CUX2: variants seen among roughly 807,000 people sequenced by gnomAD.
CUX2 encodes cut like homeobox 2, also known as homeobox protein cut-like 2.
A neutral mutation model predicts 144.8 loss-of-function variants in CUX2; 40 were observed. The ratio of observed to expected loss-of-function variants is 0.28; its 90% CI spans 0.21 to 0.36. CUX2 has a LOEUF of 0.36. CUX2 is among the 10% of genes least tolerant of loss of function. CUX2 has a pLI of 1.00. For synonymous variants in CUX2, 827 were observed against 875.6 expected (o/e 0.94, Z 0.98); for missense variants, 1,615 against 1,994.0 (o/e 0.81, Z 3.62).
intron 1 of CUX2, among the ~76,000 whole-genome samples, chr12:111,047,401 C>G (rs1266717372): frequency 6.6e-6 from 1 of 152,112 alleles, no homozygotes. Flanking sequence ...GCTGTACCAG[C>G]CACACTCTAC....
chr12:111,048,389 A>G (rs1458079089), intron 1 of CUX2, among the ~76,000 whole-genome samples: 2 of 152,130 alleles, frequency 1.3e-5, no homozygotes, highest in Non-Finnish European at 2.9e-5. Flanking sequence ...AGCACTCTAC[A>G]GCATTGTGGG....
chr12:111,111,554 A>G (rs1873959932), intron 1 of CUX2, among the ~76,000 whole-genome samples: 1 of 152,240 alleles, frequency 6.6e-6, no homozygotes. Context: ...TTCTACGTTA[A>G]TAGAATCCTT....
At chr12:111,045,441 GC>G (rs1869951998) in intron 1 of CUX2, among the ~76,000 whole-genome samples, 1 of 152,156 alleles carries the variant, frequency 6.6e-6, no homozygotes, top group African/African-American at 2.4e-5. Context: ...CCCTCATAAA[GC>G]TTCTACTTCA....
Position 111,168,993 on chromosome 12 carries a change from T to C in CUX2, c.64-45207T>C, listed in dbSNP as rs531587008. ...CATCACTACCCCTCCATCTCACCTC[T>C]GTCCTGCATTGAATGGCATCCGCCA... is the stretch of plus-strand genomic sequence containing the variant. On this transcript the variant is annotated intron_variant, in intron 1 of 21. Transcript: ENST00000261726. Among the ~76,000 whole-genome samples, 137 of 152,044 alleles carry C rather than the reference T, an allele frequency of 9.0e-4. 1 individual carries two copies. Among genetic ancestry groups the C allele is most frequent in the African/African-American group, 3.2e-3 (133 of 41,474 alleles).
At chr12:111,311,603 A>ATTTTTTTT (rs369788655) in intron 15 of CUX2, among the ~76,000 whole-genome samples, 1 of 131,026 alleles carries the variant, frequency 7.6e-6, no homozygotes. Flanking sequence ...TATTATTATT[A>ATTTTTTTT]TTTTTTTTTT....
intron 3 of CUX2, among the ~76,000 whole-genome samples, chr12:111,260,457 C>G (rs1370726651): frequency 2.6e-5 from 4 of 151,066 alleles, no homozygotes; most frequent in Non-Finnish European, 5.9e-5. Flanking sequence ...GAGCGAGACT[C>G]TGTCTCAGGA....
chr12:111,268,931 C>G (rs1282225703), intron 4 of CUX2, among the ~76,000 whole-genome samples: 1 of 152,172 alleles, frequency 6.6e-6, no homozygotes, highest in Non-Finnish European at 1.5e-5. Flanking sequence ...CCCCGTAGTA[C>G]CTCAGTTGTA....
intron 1 of CUX2, among the ~76,000 whole-genome samples, chr12:111,042,606 A>C (rs1328637246): frequency 6.6e-6 from 1 of 151,974 alleles, no homozygotes; most frequent in African/African-American, 2.4e-5. Flanking sequence ...AGTAGTAGCC[A>C]CCTCCTTAAG....
chr12:111,293,598 G>A lies in CUX2; in HGVS notation c.560+29G>A. 1 of 1,554,516 alleles carries A rather than the reference G, an allele frequency of 6.4e-7. No individual in the cohort carries two copies. The highest frequency in any genetic ancestry group is 2.4e-5 in the East Asian group (1 of 42,336). ...AGGAAGGGAAGGTGGGTGGGAGGGA[G>A]GAAGGAATGGGCAGGGCTCCTGCTG... On this transcript the variant is annotated intron_variant, in intron 6 of 21. Transcript: ENST00000261726. The surrounding 1 kb of genome is among the most constrained non-coding windows in gnomAD (Gnocchi z 4.5).
intron 20 of CUX2, among the ~76,000 whole-genome samples, chr12:111,340,103 G>C (rs1888515820): frequency 1.3e-5 from 2 of 152,206 alleles, no homozygotes; most frequent in African/African-American, 4.8e-5. Flanking sequence ...GGCTGAGGCA[G>C]GAGAACCGCT....
chr12:111,326,254 TGGG>T lies in CUX2; in HGVS notation c.2926+3675_2926+3677del. On this transcript the variant is annotated intron_variant, in intron 18 of 21. Coordinates refer to ENST00000261726, the MANE Select transcript of CUX2 (RefSeq NM_015267.4). ...TTATAGTGTTGTGGTGGGGGAGGGG[TGGG>T]TTTTGTTTATAGTGTTGTGTTGGGG... 1.9e-4 allele frequency among the ~76,000 whole-genome samples: 2 copies of T among 10,806 alleles called. 1 individual carries two copies. The highest frequency in any genetic ancestry group is 9.9e-3 in the South Asian group (2 of 202). 7.1% of individuals were successfully genotyped at this position (10,806 alleles called of 152,430 possible). A position where few individuals can be genotyped will look rare whatever the true frequency, so the allele number is the denominator to read the frequency against.
chr12:111,246,164 G>A lies in CUX2; in HGVS notation c.223-17597G>A, dbSNP rs1883270839. Among the ~76,000 whole-genome samples the A allele has an allele frequency of 6.6e-6, 1 of 152,146 alleles. No homozygotes were observed. On this transcript the variant is annotated intron_variant, in intron 3 of 21. Transcript: ENST00000261726. The surrounding 1 kb of genome is among the most constrained non-coding windows in gnomAD (Gnocchi z 4.0). ...GCGCCTCAGTTTCCTCATCTGGAAAGTAGAAATGATAACCGCACCTGCCAC... is the reference window on the plus strand; with the variant it reads ...GCGCCTCAGTTTCCTCATCTGGAAAATAGAAATGATAACCGCACCTGCCAC...
Position 111,320,310 on chromosome 12 carries a change from C to T in CUX2, c.2301C>T (p.Phe767=). 2 of 1,597,918 alleles carry T rather than the reference C, an allele frequency of 1.3e-6. No homozygotes were observed. Among genetic ancestry groups the T allele is most frequent in the Non-Finnish European group, 1.7e-6 (2 of 1,179,086 alleles). The change falls in exon 17 of 22, where the codon TTC becomes TTT. Residue 767 remains phenylalanine, a synonymous_variant. Coordinates refer to ENST00000261726, the MANE Select transcript of CUX2 (RefSeq NM_015267.4). The surrounding 1 kb of genome is among the most constrained non-coding windows in gnomAD (Gnocchi z 8.1). ...APLPVLSPAA[F]VQSIIRKVKS... is the part of the protein sequence containing the mutation. ...TCCCGGTCCTGTCCCCCGCCGCCTT[C>T]GTGCAGAGCATCATCCGCAAGGTCA...
At position 111,348,387 on chromosome 12, in the gene CUX2, C is replaced by T; in HGVS notation, c.*62C>T. ...CTACCTTCCTTCTCGCACTTACTCT[C>T]CTCAACAGGATGGGGTAAGGGAGGG... On this transcript the variant is annotated 3_prime_UTR_variant, in exon 22 of 22. Transcript: ENST00000261726. 6.9e-7 allele frequency: 1 copy of T among 1,448,912 alleles called. No individual in the cohort carries two copies. Among genetic ancestry groups the T allele is most frequent in the Non-Finnish European group, 9.5e-7 (1 of 1,055,168 alleles). 89.8% of individuals were successfully genotyped at this position (1,448,912 alleles called of 1,614,324 possible). A position where few individuals can be genotyped will look rare whatever the true frequency, so the allele number is the denominator to read the frequency against.
Position 111,034,281 on chromosome 12 carries a change from C to G in CUX2, c.63+41C>G. 2.4e-6 allele frequency: 3 copies of G among 1,262,454 alleles called. No homozygotes were observed. Among genetic ancestry groups the G allele is most frequent in the Non-Finnish European group, 3.1e-6 (3 of 967,492 alleles). The allele number at this position is 1,262,454 out of a possible 1,614,324, so 78.2% of individuals were successfully genotyped here. A position where few individuals can be genotyped will look rare whatever the true frequency, so the allele number is the denominator to read the frequency against. On this transcript the variant is annotated intron_variant, in intron 1 of 21. Transcript: ENST00000261726. The surrounding 1 kb of genome is among the most constrained non-coding windows in gnomAD (Gnocchi z 4.2). ...GCCGGCCGCGCGGCCGTGAGGAGCC[C>G]CCGGGCGCGCCCTGGGCGCATTGGG...
intron 20 of CUX2, among the ~76,000 whole-genome samples, 158 bp downstream of exon 20, chr12:111,338,632 T>C (rs1888454892): frequency 6.6e-6 from 1 of 152,090 alleles, no homozygotes; most frequent in African/African-American, 2.4e-5. Context: ...AATGTAACAA[T>C]GTGATTGAAA....
At chr12:111,196,026 C>T (rs2136201271) in intron 1 of CUX2, among the ~76,000 whole-genome samples, 2 of 152,322 alleles carry the variant, frequency 1.3e-5, no homozygotes, top group East Asian at 3.9e-4. Context: ...TCTGATCCCA[C>T]TCCCAGCCCC....
chr12:111,207,294 G>T (rs1221967290), intron 1 of CUX2, among the ~76,000 whole-genome samples: 2 of 152,254 alleles, frequency 1.3e-5, no homozygotes, highest in Non-Finnish European at 2.9e-5. Flanking sequence ...TAATGTCTCT[G>T]CATGATGGCC....
At chr12:111,301,805 T>G (rs1219662149) in intron 9 of CUX2, among the ~76,000 whole-genome samples, 2 of 152,248 alleles carry the variant, frequency 1.3e-5, no homozygotes, top group Non-Finnish European at 2.9e-5. Flanking sequence ...CTAATTGCTT[T>G]AAAACCCAGC....
Sources: allele counts gnomAD v4.1 joint callset (sites outside exome capture counted in the v4.1 genomes callset), GRCh38; gene constraint gnomAD v4.1.1; non-coding constraint Gnocchi (gnomAD v3.1); transcripts MANE v1.5; gene names NCBI Gene and HGNC (gene_info 2026-07-23, HGNC 2026-07-21).